Variants in FECH observed in about 807,000 individuals in gnomAD.
The protein encoded by FECH is ferrochelatase, also known as ferrochelatase, mitochondrial.
FECH carries 40 observed loss-of-function variants against 56.9 expected under a neutral mutation model. The observed-to-expected ratio is 0.70, with a 90% CI of 0.55 to 0.92. The LOEUF is 0.92. Ranked by LOEUF, FECH falls within the 40% of genes least tolerant of loss-of-function variation. The probability of loss-of-function intolerance (pLI) is 0.00; values close to 1 mark genes in which losing one functional copy is unlikely to be tolerated. For synonymous variants in FECH, 175 were observed against 198.6 expected (o/e 0.88, Z 1.00); for missense variants, 431 against 529.1 (o/e 0.81, Z 1.82).
intron 8 of FECH, 77 bp from the exon 9 acceptor site, chr18:57,554,501 G>C: frequency 6.7e-7 from 1 of 1,500,564 alleles, no homozygotes; most frequent in South Asian, 1.1e-5. Flanking sequence ...GCCCCCCTGG[G>C]CACACGCACT....
intron 1 of FECH, among the ~76,000 whole-genome samples, chr18:57,586,245 C>T (rs2051370620): frequency 6.6e-6 from 1 of 152,348 alleles, no homozygotes; most frequent in South Asian, 2.1e-4. Context: ...TTCTCAACAG[C>T]CTGGTTATTG....
chr18:57,552,201 G>A (rs1353112165), intron 9 of FECH, among the ~76,000 whole-genome samples: 1 of 151,718 alleles, frequency 6.6e-6, no homozygotes, highest in Non-Finnish European at 1.5e-5. Context: ...TATTCTTATG[G>A]AGAAAAATCT....
At chr18:57,577,582 C>T (rs185802934) in intron 2 of FECH, among the ~76,000 whole-genome samples, 23 of 152,310 alleles carry the variant, frequency 1.5e-4, no homozygotes, top group African/African-American at 5.3e-4. Flanking sequence ...AAATCACCTA[C>T]GTGTCCCAGA....
chr18:57,579,852 C>T (rs912515633), intron 2 of FECH, among the ~76,000 whole-genome samples: 7 of 152,264 alleles, frequency 4.6e-5, no homozygotes, highest in Middle Eastern at 3.4e-3. Context: ...ACTGTTTGTA[C>T]TCAACTCTGT....
At chr18:57,575,156 G>A (rs367787738) in intron 2 of FECH, among the ~76,000 whole-genome samples, 4 of 152,062 alleles carry the variant, frequency 2.6e-5, no homozygotes, top group East Asian at 1.9e-4. Flanking sequence ...TTCATGCTAC[G>A]TGTCGTAGCA....
chr18:57,554,428 T>G lies in FECH; in HGVS notation c.913-4A>C. ...CCAACCAGGGCATTGGACCAACCTA[T>G]GCGAAAGATAGACGAATGCGTAAGT... On this transcript the variant is annotated splice_polypyrimidine_tract_variant and splice_region_variant and intron_variant, in intron 8 of 10. Coordinates refer to ENST00000262093, the MANE Select transcript of FECH (RefSeq NM_000140.5). 1 of 1,614,190 alleles carries G rather than the reference T, an allele frequency of 6.2e-7. No individual in the cohort carries two copies. The highest frequency in any genetic ancestry group is 8.5e-7 in the Non-Finnish European group (1 of 1,180,010).
intron 2 of FECH, among the ~76,000 whole-genome samples, chr18:57,577,465 C>A (rs1239131808): frequency 1.3e-5 from 2 of 152,146 alleles, no homozygotes; most frequent in Non-Finnish European, 2.9e-5. Context: ...GTATTGCAGT[C>A]TAGTCCAGCC....
rs2050700816 is a variant in FECH, at chr18:57,544,954, T to G, written c.*5758A>C. Among the ~76,000 whole-genome samples the G allele has an allele frequency of 6.6e-6, 1 of 152,252 alleles. No homozygotes were observed. On this transcript the variant is annotated 3_prime_UTR_variant, in exon 11 of 11. Transcript: ENST00000262093. ...CACAAGCCAACATGCCATGTGCCTG[T>G]GCAATCAATTCCATGCCATATATAC...
At chr18:57,571,638 G>A (rs775728668) in intron 3 of FECH, 98 bp from the exon 4 acceptor site, 3 of 1,573,562 alleles carry the variant, frequency 1.9e-6, no homozygotes, top group Non-Finnish European at 2.6e-6. Flanking sequence ...CAAAATTTTA[G>A]AGAGCCTAAC....
chr18:57,551,287 A>G, intron 10 of FECH, 28 bp downstream of exon 10: 3 of 1,531,366 alleles, frequency 2.0e-6, no homozygotes, highest in South Asian at 1.1e-5. Context: ...GGTATGTTCT[A>G]CTAAAACGAT....
rs1599014808 is a variant in FECH at position 57,580,202 on chromosome 18, G to A, written c.68-3C>T. ...GACCCTCCAGCTGCTGGATGCCACTGTGACAAAATTAAAGTGCTCGCATGA... is the reference window on the plus strand; with the variant it reads ...GACCCTCCAGCTGCTGGATGCCACTATGACAAAATTAAAGTGCTCGCATGA... On this transcript the variant is annotated splice_polypyrimidine_tract_variant and splice_region_variant and intron_variant, in intron 1 of 10. Coordinates refer to ENST00000262093, the MANE Select transcript of FECH (RefSeq NM_000140.5). The A allele has an allele frequency of 1.9e-6, 3 of 1,614,172 alleles. No individual in the cohort carries two copies. The highest frequency in any genetic ancestry group is 4.5e-5 in the East Asian group (2 of 44,890).
In FECH at chr18:57,546,978, T is replaced by A. The variant is rs1437940082; in HGVS notation, c.*3734A>T. 4.3e-5 allele frequency among the ~76,000 whole-genome samples: 6 copies of A among 138,400 alleles called. No individual in the cohort carries two copies. Among genetic ancestry groups the A allele is most frequent in the African/African-American group, 1.1e-4 (4 of 36,900 alleles). 90.8% of individuals were successfully genotyped at this position (138,400 alleles called of 152,430 possible). A position where few individuals can be genotyped will look rare whatever the true frequency, so the allele number is the denominator to read the frequency against. ...CCATCTCAAAAAAAAAAAAAAAAAA[T>A]TTAAGGAGTGCCCTGCCGGGTTTCA... On this transcript the variant is annotated 3_prime_UTR_variant, in exon 11 of 11. Transcript: ENST00000262093.
chr18:57,553,972 A>G (rs144725619), intron 9 of FECH, among the ~76,000 whole-genome samples: 35 of 152,344 alleles, frequency 2.3e-4, no homozygotes, highest in Non-Finnish European at 1.6e-4. Flanking sequence ...TATAGTTGTT[A>G]TTACTTTCGA....
chr18:57,550,744 T>C lies in FECH; in HGVS notation c.1240A>G (p.Thr414Ala). 6.2e-7 allele frequency: 1 copy of C among 1,614,034 alleles called. No individual in the cohort carries two copies. Among genetic ancestry groups the C allele is most frequent in the Non-Finnish European group, 8.5e-7 (1 of 1,179,982 alleles). ...PLCVNPVCRE[T>A]KSFFTSQQL is the part of the protein sequence containing the mutation. ...TGCTGGCTGGTGAAGAAGGATTTAG[T>C]CTCCCTGCAGACAGGATTGACACAG... The change falls in exon 11 of 11, where the codon ACT (threonine) becomes GCT (alanine). Residue 414 changes from threonine (T) to alanine (A), a missense_variant. Thr to Ala is a moderately conservative substitution (Grantham distance 58). Transcript: ENST00000262093.
rs550973804 is a variant in FECH at position 57,546,923 on chromosome 18, G to A, written c.*3789C>T. Among the ~76,000 whole-genome samples the A allele has an allele frequency of 1.4e-5, 2 of 148,018 alleles. No homozygotes were observed. The highest frequency in any genetic ancestry group is 1.4e-4 in the Admixed American group (2 of 14,670). ...TGCAGTGAGCCGAGATCGTGCCACT[G>A]TACTCCAGCTTGGGCAACAGAGCGA... On this transcript the variant is annotated 3_prime_UTR_variant, in exon 11 of 11. Coordinates refer to ENST00000262093, the MANE Select transcript of FECH (RefSeq NM_000140.5).
At chr18:57,550,959 C>A in intron 10 of FECH, 113 bp from the exon 11 acceptor site, 3 of 1,411,648 alleles carry the variant, frequency 2.1e-6, no homozygotes, top group Non-Finnish European at 2.9e-6. Flanking sequence ...TTCTTTTCAT[C>A]CGAGTGGTGA....
At chr18:57,570,032 C>CGTGTGGT (rs1491298526) in intron 4 of FECH, among the ~76,000 whole-genome samples, 2 of 122,764 alleles carry the variant, frequency 1.6e-5, no homozygotes, top group Non-Finnish European at 3.6e-5. Flanking sequence ...TTGTTGTTGT[C>CGTGTGGT]GTGTGTGTGT....
At chr18:57,585,059 C>A (rs1461348233) in intron 1 of FECH, among the ~76,000 whole-genome samples, 40 of 151,478 alleles carry the variant, frequency 2.6e-4, no homozygotes, top group Non-Finnish European at 1.5e-5. Context: ...AAGAAAAAGG[C>A]ACCAAGAAAA....
Position 57,570,461 on chromosome 18 carries a change from A to G in FECH, c.463+931T>C, listed in dbSNP as rs543189286. On this transcript the variant is annotated intron_variant, in intron 4 of 10. Coordinates refer to ENST00000262093, the MANE Select transcript of FECH (RefSeq NM_000140.5). ...ATGGGAACCAGTGGATTCTGAGAAC[A>G]GCTGGAGTGGATGCTTGCTCAGTGA... Among the ~76,000 whole-genome samples, 16 of 152,334 alleles carry G rather than the reference A, an allele frequency of 1.1e-4. No individual in the cohort carries two copies. In the South Asian group the frequency reaches 3.3e-3, roughly 32 times the overall value.
Sources: allele counts gnomAD v4.1 joint callset (sites outside exome capture counted in the v4.1 genomes callset), GRCh38; gene constraint gnomAD v4.1.1; transcripts MANE v1.5; gene names NCBI Gene and HGNC (gene_info 2026-07-23, HGNC 2026-07-21).